The following CPLX3 variants were observed in gnomAD, a reference collection of about 807,000 sequenced individuals.
The protein encoded by CPLX3 is complexin 3.
In CPLX3, 12 loss-of-function variants were observed where a neutral mutation model predicts 17.2. The ratio of observed to expected loss-of-function variants is 0.70; its 90% CI spans 0.45 to 1.13. The LOEUF (loss-of-function observed/expected upper bound fraction) is 1.13, where lower values mean the gene tolerates loss of function less well. Ranked by LOEUF, CPLX3 falls within the 50% of genes most tolerant of loss-of-function variation. The pLI, the probability that CPLX3 is intolerant of heterozygous loss-of-function variation, is 0.00. For synonymous variants in CPLX3, 75 were observed against 79.4 expected, an observed-to-expected ratio of 0.94 and a Z score of 0.29; for missense variants, 172 against 203.2, an observed-to-expected ratio of 0.85 and a Z score of 0.93.
intron 1 of CPLX3, among the ~76,000 whole-genome samples, chr15:74,827,757 T>C (rs1427269959): frequency 6.6e-6 from 1 of 152,162 alleles, no homozygotes; most frequent in African/African-American, 2.4e-5. Flanking sequence ...GCAGACCAAG[T>C]TGGAGGCCAT....
At chr15:74,828,636 A>G (rs891251500) in intron 2 of CPLX3, among the ~76,000 whole-genome samples, 4 of 152,184 alleles carry the variant, frequency 2.6e-5, no homozygotes, top group South Asian at 4.1e-4. Context: ...GCGACAAAAG[A>G]TGAAACTGAG....
At chr15:74,829,998 CAAAAAAA>C (rs58349907) in intron 2 of CPLX3, 125 bp from the exon 3 acceptor site, 74 of 531,852 alleles carry the variant, frequency 1.4e-4, no homozygotes, top group Admixed American at 3.8e-4. Context: ...CTCGTCTCTA[CAAAAAAA>C]AAAAAAAAGA....
At chr15:74,827,095 A>G (rs1346251362) in intron 1 of CPLX3, among the ~76,000 whole-genome samples, 1 of 152,016 alleles carries the variant, frequency 6.6e-6, no homozygotes, top group Non-Finnish European at 1.5e-5. Flanking sequence ...GGGAGGGGCG[A>G]CCGGACGAGG....
chr15:74,830,239 C>G lies in CPLX3; in HGVS notation c.362C>G (p.Ser121Ter). 6.2e-7 allele frequency: 1 copy of G among 1,613,958 alleles called. No individual in the cohort carries two copies. Among genetic ancestry groups the G allele is most frequent in the Non-Finnish European group, 8.5e-7 (1 of 1,180,030 alleles). The part of the protein sequence containing the change: ...EDTEEEEEKA[S>*]VLGQLASLPG... ...ACAGAGGAGGAGGAGGAGAAGGCCT[C>G]AGTCCTTGGGCAGCTGGCCAGCCTT... The change falls in exon 3 of 3, where the codon TCA becomes TGA. Residue 121 changes from serine (S) to a stop codon, truncating the protein, a stop_gained. Transcript: ENST00000395018. LOFTEE classifies it high-confidence loss of function.
intron 2 of CPLX3, 112 bp downstream of exon 2, chr15:74,828,233 T>C (rs1000960420): frequency 6.4e-6 from 5 of 785,850 alleles, no homozygotes; most frequent in Non-Finnish European, 8.7e-6. Context: ...ACAGGGTATT[T>C]GGTTAGATCC....
rs772438580 is a variant in CPLX3 at position 74,826,669 on chromosome 15, G to T, written c.-35G>T. On this transcript the variant is annotated 5_prime_UTR_variant, in exon 1 of 3. Transcript: ENST00000395018. The surrounding 1 kb of genome is among the most constrained non-coding windows in gnomAD (Gnocchi z 5.0). ...GGACGTGCCCGGTGCCTGGCGCGTGGTAGCAGGCGCCCGGTGCCCCGGCCG... is the reference window on the plus strand; with the variant it reads ...GGACGTGCCCGGTGCCTGGCGCGTGTTAGCAGGCGCCCGGTGCCCCGGCCG... 6.3e-7 allele frequency: 1 copy of T among 1,593,010 alleles called. No homozygotes were observed. The highest frequency in any genetic ancestry group is 8.5e-7 in the Non-Finnish European group (1 of 1,171,314).
rs552256089 is a variant in CPLX3, at chr15:74,828,277, A to T, written c.252+156A>T. Among the ~76,000 whole-genome samples the T allele has an allele frequency of 3.3e-5, 5 of 151,954 alleles. No homozygotes were observed. In the South Asian group the frequency reaches 1.0e-3, roughly 32 times the overall value. On this transcript the variant is annotated intron_variant, in intron 2 of 2. Transcript: ENST00000395018. ...CATTCATTTGTTCTTTTATTCATTC[A>T]CTCACTCGTAGTTAAATCTGTGCCC...
chr15:74,828,110 C>T lies in CPLX3; in HGVS notation c.241C>T (p.Arg81Trp), dbSNP rs903131417. ...GCGGAGCCACTTCCGAGACAAATAC[C>T]GGCTACCCAAGGTAAGCTGGCCCCG... Reference protein sequence around the residue: ...TLRSHFRDKYRLPKNETDESQ... With the variant: ...TLRSHFRDKYWLPKNETDESQ... The change falls in exon 2 of 3, where the codon CGG becomes TGG. Residue 81 changes from arginine (R) to tryptophan (W), a missense_variant. Transcript: ENST00000395018. The T allele has an allele frequency of 8.2e-6, 13 of 1,593,688 alleles. No individual in the cohort carries two copies. Among genetic ancestry groups the T allele is most frequent in the African/African-American group, 4.0e-5 (3 of 74,520 alleles).
chr15:74,830,361 C>T lies in CPLX3; in HGVS notation c.*7C>T, dbSNP rs947000094. The T allele has an allele frequency of 6.7e-5, 108 of 1,608,170 alleles. No homozygotes were observed. The highest frequency in any genetic ancestry group is 8.7e-5 in the Non-Finnish European group (102 of 1,177,104). ...GAAGTGTCACGTCATGTGACCACTTCCCCGGGGTTACCCACTGGGCTGGGC... is the reference window on the plus strand; with the variant it reads ...GAAGTGTCACGTCATGTGACCACTTTCCCGGGGTTACCCACTGGGCTGGGC... On this transcript the variant is annotated 3_prime_UTR_variant, in exon 3 of 3. Transcript: ENST00000395018.
At position 74,830,423 on chromosome 15, in the gene CPLX3, C is replaced by A; in HGVS notation, c.*69C>A. The A allele has an allele frequency of 7.7e-7, 1 of 1,290,600 alleles. No homozygotes were observed. Among genetic ancestry groups the A allele is most frequent in the Non-Finnish European group, 1.1e-6 (1 of 915,502 alleles). The allele number at this position is 1,290,600 out of a possible 1,614,324, so 79.9% of individuals were successfully genotyped here. A position where few individuals can be genotyped will look rare whatever the true frequency, so the allele number is the denominator to read the frequency against. ...CTAAGAGTGTGTCAACTTCCAGGGA[C>A]CCATACTCCATTTGGGGCTTTGTTT... On this transcript the variant is annotated 3_prime_UTR_variant, in exon 3 of 3. Transcript: ENST00000395018.
chr15:74,829,805 C>G (rs2063959913), intron 2 of CPLX3, among the ~76,000 whole-genome samples: 1 of 152,112 alleles, frequency 6.6e-6, no homozygotes, highest in East Asian at 1.9e-4. Flanking sequence ...CATGTCCAGG[C>G]ATCAAACGCT....
At position 74,826,987 on chromosome 15, in the gene CPLX3, A is replaced by G; in HGVS notation, c.164+120A>G. The G allele has an allele frequency of 1.1e-6, 1 of 915,244 alleles. No homozygotes were observed. Among genetic ancestry groups the G allele is most frequent in the Non-Finnish European group, 1.6e-6 (1 of 613,500 alleles). The allele number at this position is 915,244 out of a possible 1,614,324, so 56.7% of individuals were successfully genotyped here. A position where few individuals can be genotyped will look rare whatever the true frequency, so the allele number is the denominator to read the frequency against. On this transcript the variant is annotated intron_variant, in intron 1 of 2. Coordinates refer to ENST00000395018, the MANE Select transcript of CPLX3 (RefSeq NM_001030005.3). This position sits in a 1 kb window ranked among gnomAD's most constrained non-coding sequence, Gnocchi z 5.0. ...TCTCCCCTACTTTCCTAGACACGGT[A>G]AGAGACCGGGAGGTGTCCTCTACAC... is the stretch of plus-strand genomic sequence containing the variant.
rs2063962739 is a variant in CPLX3, at chr15:74,830,262, C to T, written c.385C>T (p.Leu129Phe). Residue 129 changes from leucine to phenylalanine, a missense_variant, in exon 3 of 3, where the codon CTT (leucine) becomes TTT (phenylalanine). Coordinates refer to ENST00000395018, the MANE Select transcript of CPLX3 (RefSeq NM_001030005.3). ...CTCAGTCCTTGGGCAGCTGGCCAGC[C>T]TTCCTGGCTTGAACCTGGGCTCACT... Reference protein sequence around the residue: ...KASVLGQLASLPGLNLGSLKD... With the variant: ...KASVLGQLASFPGLNLGSLKD... 6.2e-7 allele frequency: 1 copy of T among 1,614,000 alleles called. No homozygotes were observed. Among genetic ancestry groups the T allele is most frequent in the Non-Finnish European group, 8.5e-7 (1 of 1,180,040 alleles).
At position 74,830,451 on chromosome 15, in the gene CPLX3, C is replaced by T. The variant is rs982198182; in HGVS notation, c.*97C>T. On this transcript the variant is annotated 3_prime_UTR_variant, in exon 3 of 3. Transcript: ENST00000395018. ...ATACTCCATTTGGGGCTTTGTTTCC[C>T]TTGCCCCATCCTAGTTCCAAGACCT... 9.9e-7 allele frequency: 1 copy of T among 1,011,744 alleles called. No individual in the cohort carries two copies. The highest frequency in any genetic ancestry group is 1.5e-5 in the South Asian group (1 of 64,962). The allele number at this position is 1,011,744 out of a possible 1,614,324, so 62.7% of individuals were successfully genotyped here. A position where few individuals can be genotyped will look rare whatever the true frequency, so the allele number is the denominator to read the frequency against.
In CPLX3 at chr15:74,828,120, A is replaced by C; in HGVS notation, c.251A>C (p.Lys84Thr). ...TTCCGAGACAAATACCGGCTACCCA[A>C]GGTAAGCTGGCCCCGGCTGTGAGGC... ...SHFRDKYRLP[K>T]NETDESQIQM... is the part of the protein sequence containing the mutation. The change falls in exon 2 of 3, where the codon AAG (lysine) becomes ACG (threonine). Residue 84 changes from lysine to threonine, a missense_variant and splice_region_variant. Lys to Thr is a moderately conservative substitution (Grantham distance 78). Transcript: ENST00000395018. 1 of 1,584,810 alleles carries C rather than the reference A, an allele frequency of 6.3e-7. No homozygotes were observed. Among genetic ancestry groups the C allele is most frequent in the Non-Finnish European group, 8.6e-7 (1 of 1,164,540 alleles).
At position 74,830,360 on chromosome 15, in the gene CPLX3, T is replaced by TC; in HGVS notation, c.*10dup. ...AGAAGTGTCACGTCATGTGACCACTTCCCCGGGGTTACCCACTGGGCTGGG... is the reference window on the plus strand; with the variant it reads ...AGAAGTGTCACGTCATGTGACCACTTCCCCCGGGGTTACCCACTGGGCTGGG... On this transcript the variant is annotated 3_prime_UTR_variant, in exon 3 of 3. Transcript: ENST00000395018. 6.2e-7 allele frequency: 1 copy of TC among 1,608,506 alleles called. No individual in the cohort carries two copies. Among genetic ancestry groups the TC allele is most frequent in the Non-Finnish European group, 8.5e-7 (1 of 1,177,214 alleles).
rs768915432 is a variant in CPLX3, at chr15:74,830,247, G to T, written c.370G>T (p.Gly124Trp). Reference protein sequence around the residue: ...EEEEEKASVLGQLASLPGLNL... With the variant: ...EEEEEKASVLWQLASLPGLNL... The stretch of plus-strand genomic sequence containing the variant: ...GGAGGAGGAGAAGGCCTCAGTCCTT[G>T]GGCAGCTGGCCAGCCTTCCTGGCTT... The change falls in exon 3 of 3, where the codon GGG becomes TGG. Residue 124 changes from glycine (G) to tryptophan (W), a missense_variant. Physicochemically the swap from Gly to Trp is radical, Grantham distance 184. Transcript: ENST00000395018. 6.2e-7 allele frequency: 1 copy of T among 1,613,832 alleles called. No individual in the cohort carries two copies. Among genetic ancestry groups the T allele is most frequent in the Admixed American group, 1.7e-5 (1 of 60,014 alleles).
intron 2 of CPLX3, 139 bp downstream of exon 2, chr15:74,828,260 T>C: frequency 2.8e-6 from 2 of 718,058 alleles, no homozygotes; most frequent in Non-Finnish European, 4.9e-6. Flanking sequence ...CTCATTCATT[T>C]GTTCTTTTAT....
intron 2 of CPLX3, 145 bp from the exon 3 acceptor site, chr15:74,829,985 G>T (rs1012965373): frequency 3.3e-5 from 21 of 628,864 alleles, no homozygotes; most frequent in Non-Finnish European, 4.9e-5. Flanking sequence ...AACATAGGGA[G>T]ACCTCGTCTC....
Sources: allele counts gnomAD v4.1 joint callset (sites outside exome capture counted in the v4.1 genomes callset), GRCh38; gene constraint gnomAD v4.1.1; non-coding constraint Gnocchi (gnomAD v3.1); transcripts MANE v1.5; gene names NCBI Gene and HGNC (gene_info 2026-07-23, HGNC 2026-07-21).